The following PPP2R5D variants were observed in gnomAD, a reference collection of about 807,000 sequenced individuals.
The protein encoded by PPP2R5D is protein phosphatase 2 regulatory subunit B'delta.
A neutral mutation model predicts 79.1 loss-of-function variants in PPP2R5D; 12 were observed. The ratio of observed to expected loss-of-function variants is 0.15; its 90% confidence interval spans 0.10 to 0.25. PPP2R5D has a LOEUF of 0.25. Ranked by LOEUF, PPP2R5D falls within the 10% of genes least tolerant of loss-of-function variation. PPP2R5D has a pLI of 1.00. For synonymous variants in PPP2R5D, 277 were observed against 286.6 expected (o/e 0.97, Z 0.34); for missense variants, 419 against 760.2 (o/e 0.55, Z 5.28).
At chr6:42,985,086 C>T (rs1256306980) in intron 1 of PPP2R5D, among the ~76,000 whole-genome samples, 1 of 151,638 alleles carries the variant, frequency 6.6e-6, no homozygotes, top group East Asian at 1.9e-4. Context: ...TGAAACTGCA[C>T]CTTCCTCCAG....
chr6:43,011,527 G>GCCTGT lies in PPP2R5D; in HGVS notation c.*241_*242insCCTGT. 3 of 560,818 alleles carry GCCTGT rather than the reference G, an allele frequency of 5.3e-6. No individual in the cohort carries two copies. The highest frequency in any genetic ancestry group is 3.1e-5 in the East Asian group (1 of 32,266). The allele number at this position is 560,818 out of a possible 1,614,324, so 34.7% of individuals were successfully genotyped here. A position where few individuals can be genotyped will look rare whatever the true frequency, so the allele number is the denominator to read the frequency against. ...TGAGCACTAAGATGCTTAGTGCTCA[G>GCCTGT]ACAACCTGGGGATGCCTGTCCCCTA... On this transcript the variant is annotated 3_prime_UTR_variant, in exon 16 of 16. Coordinates refer to ENST00000485511, the MANE Select transcript of PPP2R5D (RefSeq NM_006245.4).
chr6:42,992,001 A>G lies in PPP2R5D; in HGVS notation c.105+2313A>G, dbSNP rs1045035892. On this transcript the variant is annotated intron_variant, in intron 2 of 15. Coordinates refer to ENST00000485511, the MANE Select transcript of PPP2R5D (RefSeq NM_006245.4). ...CGTCTGGTATGGCAGGGGTATGGGGAAAAGTTGGAGCTAGGATGTGAGGCT... is the reference window on the plus strand; with the variant it reads ...CGTCTGGTATGGCAGGGGTATGGGGGAAAGTTGGAGCTAGGATGTGAGGCT... Among the ~76,000 whole-genome samples the G allele has an allele frequency of 1.9e-4, 29 of 152,184 alleles. No individual in the cohort carries two copies. In the East Asian group the frequency reaches 5.0e-3, roughly 26 times the overall value.
chr6:42,989,397 T>G (rs1168069254), intron 1 of PPP2R5D, among the ~76,000 whole-genome samples: 1 of 152,190 alleles, frequency 6.6e-6, no homozygotes, highest in Non-Finnish European at 1.5e-5. Flanking sequence ...AGTGTGTGTT[T>G]GGGGTGACTT....
At chr6:42,990,695 T>G (rs990388018) in intron 2 of PPP2R5D, among the ~76,000 whole-genome samples, 5 of 146,866 alleles carry the variant, frequency 3.4e-5, no homozygotes, top group Non-Finnish European at 7.4e-5. Context: ...TATGCAGTAT[T>G]CTACTTTTTT....
At position 43,007,734 on chromosome 6, in the gene PPP2R5D, GTCAATA is replaced by G. The variant is rs1762166421; in HGVS notation, c.727-200_727-195del. ...AAAAGCAACAGAGTACCTCTCTCAG[GTCAATA>G]GTGAGGCATCACTTTGGAAGTCTCA... On this transcript the variant is annotated intron_variant, in intron 6 of 15. Transcript: ENST00000485511. The surrounding 1 kb of genome is among the most constrained non-coding windows in gnomAD (Gnocchi z 4.5). 6.6e-6 allele frequency among the ~76,000 whole-genome samples: 1 copy of G among 152,158 alleles called. No individual in the cohort carries two copies. The highest frequency in any genetic ancestry group is 1.5e-5 in the Non-Finnish European group (1 of 68,038).
chr6:42,990,699 C>CTT (rs70990164), intron 2 of PPP2R5D, among the ~76,000 whole-genome samples: 2,988 of 51,620 alleles, frequency 0.058, 722 homozygotes, highest in African/African-American at 0.14. Context: ...CAGTATTCTA[C>CTT]TTTTTTTTTT....
chr6:42,991,295 A>G (rs1186406239), intron 2 of PPP2R5D, among the ~76,000 whole-genome samples: 1 of 152,232 alleles, frequency 6.6e-6, no homozygotes, highest in Non-Finnish European at 1.5e-5. Flanking sequence ...TAGAGCAGCA[A>G]GAAACAGGAT....
At chr6:42,990,681 C>T (rs1295118879) in intron 2 of PPP2R5D, among the ~76,000 whole-genome samples, 2 of 144,906 alleles carry the variant, frequency 1.4e-5, no homozygotes, top group African/African-American at 5.1e-5. Context: ...CTTTCCTCTG[C>T]ACTTATGCAG....
chr6:43,004,569 CTT>C (rs56194066), intron 2 of PPP2R5D, among the ~76,000 whole-genome samples: 138 of 125,064 alleles, frequency 1.1e-3, no homozygotes, highest in Middle Eastern at 4.1e-3. Context: ...TCTTTTCCTA[CTT>C]TTTTTTTTTT....
intron 1 of PPP2R5D, among the ~76,000 whole-genome samples, 171 bp from the exon 2 acceptor site, chr6:42,989,440 G>A (rs764147417): frequency 4.6e-5 from 7 of 152,200 alleles, no homozygotes; most frequent in Non-Finnish European, 7.3e-5. Flanking sequence ...TGGAGGGGCT[G>A]AATCTCCTTC....
rs371817121 is a variant in PPP2R5D, at chr6:42,997,964, G to A, written c.105+8276G>A. ...AGTGCTGGGGTTACAGACGTGAGCC[G>A]CCATGCCAGGCCCCTATCTCTTTAT... On this transcript the variant is annotated intron_variant, in intron 2 of 15. Coordinates refer to ENST00000485511, the MANE Select transcript of PPP2R5D (RefSeq NM_006245.4). Among the ~76,000 whole-genome samples, 88 of 130,594 alleles carry A rather than the reference G, an allele frequency of 6.7e-4. 2 individuals carry two copies. The East Asian group carries it at 0.018, about 26-fold the overall frequency. 85.7% of individuals were successfully genotyped at this position (130,594 alleles called of 152,430 possible).
chr6:43,009,042 C>T lies in PPP2R5D; in HGVS notation c.1081-15C>T, dbSNP rs1280382354. On this transcript the variant is annotated splice_polypyrimidine_tract_variant and intron_variant, in intron 10 of 15. Coordinates refer to ENST00000485511, the MANE Select transcript of PPP2R5D (RefSeq NM_006245.4). This position sits in a 1 kb window ranked among gnomAD's most constrained non-coding sequence, Gnocchi z 5.6. ...TGCAAAGAATTTTCATCCCCATGCC[C>T]TCCTTGTCTCCCAGGTAATTGTGGG... is the stretch of plus-strand genomic sequence containing the variant. 5 of 1,612,358 alleles carry T rather than the reference C, an allele frequency of 3.1e-6. No homozygotes were observed. The highest frequency in any genetic ancestry group is 4.2e-6 in the Non-Finnish European group (5 of 1,178,856).
At chr6:42,990,751 C>A (rs528943070) in intron 2 of PPP2R5D, among the ~76,000 whole-genome samples, 34 of 138,858 alleles carry the variant, frequency 2.4e-4, no homozygotes, top group Non-Finnish European at 4.8e-4. Context: ...CTCTTGTTGC[C>A]CAGGCTGGAG....
chr6:42,986,653 G>C (rs931612058), intron 1 of PPP2R5D, among the ~76,000 whole-genome samples: 8 of 152,066 alleles, frequency 5.3e-5, no homozygotes, highest in African/African-American at 1.9e-4. Flanking sequence ...AATGCACACA[G>C]AAATCAGCCA....
Position 43,000,236 on chromosome 6 carries a change from C to CTTTTTTTTTTTTTTTTTTTTT in PPP2R5D, c.106-6208_106-6207insTTTTTTTTTTTTTTTTTTTTT, listed in dbSNP as rs1204045076. Among the ~76,000 whole-genome samples the CTTTTTTTTTTTTTTTTTTTTT allele has an allele frequency of 2.5e-4, 27 of 106,018 alleles. 1 individual carries two copies. Among genetic ancestry groups the CTTTTTTTTTTTTTTTTTTTTT allele is most frequent in the African/African-American group, 9.9e-4 (20 of 20,292 alleles). The allele number at this position is 106,018 out of a possible 152,430, so 69.6% of individuals were successfully genotyped here. ...GGCGTGAGCCACCACGTCTGGCCAC[C>CTTTTTTTTTTTTTTTTTTTTT]TTTTTTTTTTTTTTTTTTTGAGATA... On this transcript the variant is annotated intron_variant, in intron 2 of 15. Coordinates refer to ENST00000485511, the MANE Select transcript of PPP2R5D (RefSeq NM_006245.4).
Position 43,007,081 on chromosome 6 carries a change from G to C in PPP2R5D, c.493G>C (p.Glu165Gln), listed in dbSNP as rs1206033597. ...YITHSRDVVT[E>Q]AIYPEAVTMF... is the part of the protein sequence containing the mutation. Reference sequence around the variant, plus strand: ...CACCCATAGCCGTGATGTTGTCACTGAGGCCATTTACCCTGAGGCTGTCAC... The same window carrying C: ...CACCCATAGCCGTGATGTTGTCACTCAGGCCATTTACCCTGAGGCTGTCAC... The change falls in exon 4 of 16, where the codon GAG (glutamate) becomes CAG (glutamine). Residue 165 changes from glutamate to glutamine, a missense_variant. This residue lies in a region of PPP2R5D where 29 missense variants were observed against 64.2 expected (regional missense o/e 0.45). Coordinates refer to ENST00000485511, the MANE Select transcript of PPP2R5D (RefSeq NM_006245.4). The surrounding 1 kb of genome is among the most constrained non-coding windows in gnomAD (Gnocchi z 4.5). 1 of 1,614,156 alleles carries C rather than the reference G, an allele frequency of 6.2e-7. No individual in the cohort carries two copies. Among genetic ancestry groups the C allele is most frequent in the East Asian group, 2.2e-5 (1 of 44,872 alleles).
chr6:43,004,627 A>G (rs1278483421), intron 2 of PPP2R5D, among the ~76,000 whole-genome samples: 1 of 150,832 alleles, frequency 6.6e-6, no homozygotes, highest in Admixed American at 6.6e-5. Flanking sequence ...ACCATGGAAA[A>G]TAAGTCCTCA....
chr6:42,990,885 T>G (rs1178254138), intron 2 of PPP2R5D, among the ~76,000 whole-genome samples: 1 of 151,954 alleles, frequency 6.6e-6, no homozygotes, highest in African/African-American at 2.4e-5. Flanking sequence ...AATTTTTTTG[T>G]ATTTTTAGTA....
intron 1 of PPP2R5D, among the ~76,000 whole-genome samples, chr6:42,987,402 G>A (rs1354625284): frequency 1.3e-5 from 2 of 151,990 alleles, no homozygotes; most frequent in Middle Eastern, 3.4e-3. Context: ...TGCCCCCTCC[G>A]ATTTTTTTCT....
Sources: gnomAD v4.1 joint callset for allele counts (sites outside exome capture counted in the v4.1 genomes callset) on GRCh38, gnomAD v4.1.1 for gene constraint, gnomAD v4.1.1 regional missense constraint, Gnocchi (gnomAD v3.1) non-coding constraint, MANE v1.5 for transcripts, NCBI Gene and HGNC (gene_info 2026-07-23, HGNC 2026-07-21) for gene names.